The following SH2D4B variants were observed in gnomAD, a reference collection of about 807,000 sequenced individuals.
SH2D4B encodes the protein SH2 domain-containing protein 4B.
Under a neutral mutation model 61.5 loss-of-function variants are expected in SH2D4B, and 45 were observed. The ratio of observed to expected loss-of-function variants is 0.73; its 90% CI spans 0.58 to 0.94. SH2D4B has a LOEUF of 0.94. Among genes scored for constraint, SH2D4B ranks in the 40% least tolerant of loss-of-function variants. SH2D4B has a pLI of 0.00. For synonymous variants in SH2D4B, 224 were observed against 220.4 expected, an observed-to-expected ratio of 1.02 and a Z score of -0.14; for missense variants, 572 against 574.2, an observed-to-expected ratio of 1.00 and a Z score of 0.04.
chr10:80,591,233 T>C (rs1842321108), intron 4 of SH2D4B, among the ~76,000 whole-genome samples: 1 of 152,184 alleles, frequency 6.6e-6, no homozygotes, highest in Non-Finnish European at 1.5e-5. Context: ...TGTGAACATA[T>C]ATTTTCAATT....
intron 3 of SH2D4B, among the ~76,000 whole-genome samples, chr10:80,583,083 G>A (rs575779967): frequency 1.3e-5 from 2 of 152,090 alleles, no homozygotes; most frequent in Non-Finnish European, 2.9e-5. Flanking sequence ...TCAGACTGCC[G>A]AGAAAAACCT....
chr10:80,567,841 G>A (rs1394865394), intron 1 of SH2D4B, among the ~76,000 whole-genome samples: 2 of 152,190 alleles, frequency 1.3e-5, no homozygotes, highest in African/African-American at 2.4e-5. Context: ...AAACCTGCCT[G>A]CTGGTCATCA....
At chr10:80,549,925 G>A (rs1841735585) in intron 1 of SH2D4B, among the ~76,000 whole-genome samples, 1 of 152,216 alleles carries the variant, frequency 6.6e-6, no homozygotes, top group Non-Finnish European at 1.5e-5. Context: ...ATCCCCAGGG[G>A]TGAGGGTGGT....
At chr10:80,628,884 G>C (rs934370638) in intron 6 of SH2D4B, among the ~76,000 whole-genome samples, 1 of 151,968 alleles carries the variant, frequency 6.6e-6, no homozygotes, top group African/African-American at 2.4e-5. Flanking sequence ...ACAAAAATTA[G>C]CCAGGCATAG....
chr10:80,597,945 G>A (rs1842403974), intron 4 of SH2D4B, among the ~76,000 whole-genome samples: 1 of 152,128 alleles, frequency 6.6e-6, no homozygotes, highest in Admixed American at 6.5e-5. Context: ...ATGAGAAAGA[G>A]TTTAAAAAGC....
In SH2D4B at chr10:80,609,288, C is replaced by T. The variant is rs1487935628; in HGVS notation, c.861-136C>T. On this transcript the variant is annotated intron_variant, in intron 5 of 7. Coordinates refer to ENST00000646907, the MANE Select transcript of SH2D4B (RefSeq NM_001388272.1). ...TCATTCTCTCATGGCCCTCCCCTGCCCCTTCTTCCACCCCCCCTTCCTCCT... is the reference window on the plus strand; with the variant it reads ...TCATTCTCTCATGGCCCTCCCCTGCTCCTTCTTCCACCCCCCCTTCCTCCT... 5.2e-6 allele frequency: 4 copies of T among 768,896 alleles called. No individual in the cohort carries two copies. In the African/African-American group the frequency reaches 5.3e-5, roughly 10 times the overall value. The allele number at this position is 768,896 out of a possible 1,614,324, so 47.6% of individuals were successfully genotyped here. A position where few individuals can be genotyped will look rare whatever the true frequency, so the allele number is the denominator to read the frequency against.
chr10:80,614,211 A>C (rs1404440577), intron 6 of SH2D4B, among the ~76,000 whole-genome samples: 1 of 152,246 alleles, frequency 6.6e-6, no homozygotes, highest in Non-Finnish European at 1.5e-5. Flanking sequence ...ATTGACTCAC[A>C]GTTCTGCAGG....
At chr10:80,589,193 G>C (rs983484056) in intron 4 of SH2D4B, among the ~76,000 whole-genome samples, 1 of 151,848 alleles carries the variant, frequency 6.6e-6, no homozygotes, top group African/African-American at 2.4e-5. Flanking sequence ...TAGTAGAGAC[G>C]GGGTTTCACC....
intron 6 of SH2D4B, among the ~76,000 whole-genome samples, chr10:80,630,787 G>T (rs1842823814): frequency 6.6e-6 from 1 of 152,176 alleles, no homozygotes; most frequent in Non-Finnish European, 1.5e-5. Flanking sequence ...AGTGAAGGGG[G>T]CTGGGATGTG....
chr10:80,540,991 C>A (rs957845703), intron 1 of SH2D4B: 6 of 1,206,120 alleles, frequency 5.0e-6, no homozygotes, highest in Admixed American at 2.0e-5. Context: ...AGAAAGAACT[C>A]GGGAATGAGT....
chr10:80,627,796 A>G (rs992039249), intron 6 of SH2D4B, among the ~76,000 whole-genome samples: 4 of 151,880 alleles, frequency 2.6e-5, no homozygotes, highest in African/African-American at 9.7e-5. Context: ...AGGAAGAAGA[A>G]AAGGAAGAAA....
intron 1 of SH2D4B, among the ~76,000 whole-genome samples, chr10:80,545,822 A>G (rs1841670439): frequency 6.6e-6 from 1 of 152,052 alleles, no homozygotes; most frequent in Non-Finnish European, 1.5e-5. Context: ...GCACGATGTG[A>G]CCTCTCCACC....
intron 1 of SH2D4B, among the ~76,000 whole-genome samples, chr10:80,558,287 A>C (rs1160446463): frequency 2.0e-5 from 3 of 152,008 alleles, no homozygotes; most frequent in Non-Finnish European, 4.4e-5. Context: ...AATGTTCTGT[A>C]TGTACTTGAA....
chr10:80,554,964 G>C (rs1841810692), intron 1 of SH2D4B, among the ~76,000 whole-genome samples: 1 of 137,314 alleles, frequency 7.3e-6, no homozygotes, highest in African/African-American at 2.8e-5. Flanking sequence ...AGCCGAGATT[G>C]CGCCACTGCA....
intron 7 of SH2D4B, among the ~76,000 whole-genome samples, chr10:80,637,969 T>C (rs1840214584): frequency 6.6e-6 from 1 of 152,230 alleles, no homozygotes. Context: ...CATCAGTACC[T>C]AGTTTATTGA....
Position 80,605,054 on chromosome 10 carries a change from A to C in SH2D4B, c.860+1259A>C, listed in dbSNP as rs181825043. 8.5e-5 allele frequency among the ~76,000 whole-genome samples: 13 copies of C among 152,184 alleles called. No individual in the cohort carries two copies. The East Asian group carries it at 2.1e-3, about 25-fold the overall frequency. On this transcript the variant is annotated intron_variant, in intron 5 of 7. Transcript: ENST00000646907. Reference sequence around the variant, plus strand: ...GTGATCTGCCCACCTCGGCCTCCCAAAGTGCTGGGATTACAGGCGTGAGCC... The same window carrying C: ...GTGATCTGCCCACCTCGGCCTCCCACAGTGCTGGGATTACAGGCGTGAGCC...
intron 4 of SH2D4B, among the ~76,000 whole-genome samples, chr10:80,589,267 G>A (rs533736900): frequency 1.7e-4 from 26 of 152,272 alleles, no homozygotes; most frequent in African/African-American, 6.3e-4. Context: ...GCCTCCCAAA[G>A]TGCTGGGATT....
chr10:80,641,177 AG>A (rs987359623), intron 7 of SH2D4B, among the ~76,000 whole-genome samples: 1 of 152,132 alleles, frequency 6.6e-6, no homozygotes, highest in Non-Finnish European at 1.5e-5. Flanking sequence ...TTCATCCCAG[AG>A]GGCCACCTGC....
intron 3 of SH2D4B, among the ~76,000 whole-genome samples, chr10:80,586,749 G>A (rs1274672268): frequency 6.6e-6 from 1 of 152,176 alleles, no homozygotes; most frequent in Non-Finnish European, 1.5e-5. Flanking sequence ...CGCTGTGGAA[G>A]CTTTGTTTTT....
Sources: gnomAD v4.1 joint callset for allele counts (sites outside exome capture counted in the v4.1 genomes callset) on GRCh38, gnomAD v4.1.1 for gene constraint, MANE v1.5 for transcripts, NCBI Gene and HGNC (gene_info 2026-07-23, HGNC 2026-07-21) for gene names.